Variants in ITPR1 observed in about 807,000 individuals in gnomAD.
The protein encoded by ITPR1 is inositol 1,4,5-trisphosphate receptor type 1, also known as inositol 1,4,5-trisphosphate-gated calcium channel ITPR1.
ITPR1 carries 96 observed loss-of-function variants against 318.4 expected under a neutral mutation model. The ratio of observed to expected loss-of-function variants is 0.30; its 90% confidence interval spans 0.26 to 0.36. ITPR1 has a LOEUF of 0.36. Ranked by LOEUF, ITPR1 falls within the 10% of genes least tolerant of loss-of-function variation. The probability of loss-of-function intolerance (pLI) is 1.00; values close to 1 mark genes in which losing one functional copy is unlikely to be tolerated. For synonymous variants in ITPR1, 1,312 were observed against 1,289.9 expected (o/e 1.02, Z -0.37); for missense variants, 2,440 against 3,460.2 (o/e 0.71, Z 7.40).
In ITPR1 at chr3:4,710,127, C is replaced by T. The variant is rs774669628; in HGVS notation, c.4843-198C>T. On this transcript the variant is annotated intron_variant, in intron 37 of 61. Transcript: ENST00000649015. The surrounding 1 kb of genome is among the most constrained non-coding windows in gnomAD (Gnocchi z 4.2). The stretch of plus-strand genomic sequence containing the variant: ...TGGTGGGAAAGTTGACTTGTTTTCA[C>T]TTTGTTTTCTGCATCAGAGGCTAAT... Among the ~76,000 whole-genome samples, 1 of 152,190 alleles carries T rather than the reference C, an allele frequency of 6.6e-6. No homozygotes were observed. The highest frequency in any genetic ancestry group is 1.5e-5 in the Non-Finnish European group (1 of 68,026).
intron 59 of ITPR1, among the ~76,000 whole-genome samples, chr3:4,817,104 C>T (rs1010499901): frequency 8.5e-5 from 13 of 152,150 alleles, no homozygotes; most frequent in Non-Finnish European, 1.5e-4. Context: ...GTCATGTCAT[C>T]ATCGTTTTCT....
At chr3:4,634,880 A>G (rs2093133175) in intron 5 of ITPR1, among the ~76,000 whole-genome samples, 1 of 152,204 alleles carries the variant, frequency 6.6e-6, no homozygotes. Context: ...CTGGGATTAC[A>G]GGCATGCACC....
chr3:4,664,840 A>G (rs961252226), intron 16 of ITPR1, among the ~76,000 whole-genome samples: 1 of 152,212 alleles, frequency 6.6e-6, no homozygotes, highest in African/African-American at 2.4e-5. Flanking sequence ...CTAGGGAGTA[A>G]TAAAGGCTTG....
At chr3:4,763,834 C>A (rs183794650) in intron 44 of ITPR1, among the ~76,000 whole-genome samples, 2 of 152,362 alleles carry the variant, frequency 1.3e-5, no homozygotes, top group Admixed American at 1.3e-4. Flanking sequence ...CGTCAGACAG[C>A]GCGGTCCGTG....
At chr3:4,590,251 T>C (rs532069802) in intron 4 of ITPR1, among the ~76,000 whole-genome samples, 12 of 151,536 alleles carry the variant, frequency 7.9e-5, no homozygotes, top group East Asian at 1.9e-4. Flanking sequence ...TCCTTACTTA[T>C]TTGCTCTTTA....
intron 5 of ITPR1, among the ~76,000 whole-genome samples, chr3:4,628,174 T>A (rs371630281): frequency 2.2e-4 from 34 of 152,334 alleles, no homozygotes; most frequent in African/African-American, 7.7e-4. Context: ...AATGGAATCC[T>A]GCCTCCACCA....
chr3:4,808,705 A>G (rs2048744213), intron 55 of ITPR1, among the ~76,000 whole-genome samples: 1 of 152,226 alleles, frequency 6.6e-6, no homozygotes, highest in Admixed American at 6.5e-5. Flanking sequence ...TCTACTAATA[A>G]GGAAAGCCTG....
At position 4,676,663 on chromosome 3, in the gene ITPR1, G is replaced by A. The variant is rs561552942; in HGVS notation, c.2829G>A (p.Gln943=). The change falls in exon 24 of 62, where the codon CAG becomes CAA. Residue 943 remains glutamine, a synonymous_variant. Transcript: ENST00000649015. ...ATGGCGTGGGAGAGCTGATGACCCA[G>A]GTGGTGCTCCGGGGAGGAGGCTTTT... ...SIHGVGELMT[Q]VVLRGGGFLP... 32 of 1,613,830 alleles carry A rather than the reference G, an allele frequency of 2.0e-5. No homozygotes were observed. The East Asian group carries it at 7.1e-4, about 36-fold the overall frequency.
At position 4,846,291 on chromosome 3, in the gene ITPR1, G is replaced by C; in HGVS notation, c.*66G>C. 9.4e-7 allele frequency: 1 copy of C among 1,068,772 alleles called. No homozygotes were observed. Among genetic ancestry groups the C allele is most frequent in the South Asian group, 1.4e-5 (1 of 71,242 alleles). The allele number at this position is 1,068,772 out of a possible 1,614,324, so 66.2% of individuals were successfully genotyped here. ...TTATTAGTGTGGGTATGGCTAATGA[G>C]TTCTGATTCACCCACGAAGGTTACA... On this transcript the variant is annotated 3_prime_UTR_variant, in exon 62 of 62. Coordinates refer to ENST00000649015, the MANE Select transcript of ITPR1 (RefSeq NM_001378452.1).
chr3:4,806,315 G>C, intron 55 of ITPR1, 48 bp downstream of exon 55: 1 of 1,530,918 alleles, frequency 6.5e-7, no homozygotes, highest in South Asian at 1.1e-5. Flanking sequence ...AACTAGGAGA[G>C]TGTCCTATGT....
chr3:4,609,507 T>G (rs2091947123), intron 4 of ITPR1, among the ~76,000 whole-genome samples: 1 of 152,120 alleles, frequency 6.6e-6, no homozygotes, highest in South Asian at 2.1e-4. Flanking sequence ...AAGGAATGTG[T>G]TCATTAGGGG....
In ITPR1 at chr3:4,541,099, A is replaced by G. The variant is rs116378972; in HGVS notation, c.163+20005A>G. Reference sequence around the variant, plus strand: ...AACTCCTGTCATCCTCTCTCAGTCTATGCTCCTGTTCATGATGTTAGTGCT... The same window carrying G: ...AACTCCTGTCATCCTCTCTCAGTCTGTGCTCCTGTTCATGATGTTAGTGCT... On this transcript the variant is annotated intron_variant, in intron 4 of 61. Coordinates refer to ENST00000649015, the MANE Select transcript of ITPR1 (RefSeq NM_001378452.1). Among the ~76,000 whole-genome samples the G allele has an allele frequency of 5.7e-3, 873 of 152,198 alleles. 12 individuals are homozygous for G. Among genetic ancestry groups the G allele is most frequent in the African/African-American group, 0.02 (819 of 41,538 alleles).
chr3:4,521,787 C>G (rs73003299), intron 4 of ITPR1, among the ~76,000 whole-genome samples: 4,315 of 152,244 alleles, frequency 0.028, 105 homozygotes, highest in Non-Finnish European at 0.037. Flanking sequence ...GGAGGATCAC[C>G]TGAGCCTGGG....
At chr3:4,538,315 A>G (rs1030716939) in intron 4 of ITPR1, among the ~76,000 whole-genome samples, 20 of 152,252 alleles carry the variant, frequency 1.3e-4, no homozygotes, top group Middle Eastern at 3.2e-3. Flanking sequence ...ATCACTGATC[A>G]TTAGAGAAAT....
In ITPR1 at chr3:4,782,644, T is replaced by G. The variant is rs751340313; in HGVS notation, c.6413T>G (p.Met2138Arg). ...ELVEVIKKAY[M>R]QGEVEFEDGE... ...GTGGAAGTGATCAAGAAAGCCTACA[T>G]GCAAGGTGAAGTGGAATTTGAGGAT... Residue 2138 changes from methionine (M) to arginine (R), a missense_variant, in exon 50 of 62, where the codon ATG becomes AGG. Physicochemically the swap from Met to Arg is moderately conservative, Grantham distance 91 (BLOSUM62 -1). Around this residue, in one of 23 missense-constraint regions of ITPR1, gnomAD observed 49 missense variants for 47.2 expected, o/e 1.04. Coordinates refer to ENST00000649015, the MANE Select transcript of ITPR1 (RefSeq NM_001378452.1). 6.2e-7 allele frequency: 1 copy of G among 1,607,104 alleles called. No homozygotes were observed. The highest frequency in any genetic ancestry group is 1.1e-5 in the South Asian group (1 of 89,812).
At chr3:4,636,052 G>C (rs1342860108) in intron 5 of ITPR1, among the ~76,000 whole-genome samples, 1 of 151,718 alleles carries the variant, frequency 6.6e-6, no homozygotes, top group Non-Finnish European at 1.5e-5. Context: ...TAGAGATGGG[G>C]TTTCTCCATG....
intron 4 of ITPR1, among the ~76,000 whole-genome samples, chr3:4,614,126 C>T (rs1376918399): frequency 1.3e-5 from 2 of 152,116 alleles, no homozygotes; most frequent in Non-Finnish European, 2.9e-5. Flanking sequence ...ATTAGCCAGG[C>T]GTGGCAGTGC....
At chr3:4,601,621 G>A (rs2091292225) in intron 4 of ITPR1, among the ~76,000 whole-genome samples, 1 of 152,158 alleles carries the variant, frequency 6.6e-6, no homozygotes, top group African/African-American at 2.4e-5. Context: ...AAACATAGGT[G>A]TAAATCTTCA....
chr3:4,798,789 A>C (rs2048045522), intron 53 of ITPR1, among the ~76,000 whole-genome samples: 1 of 152,240 alleles, frequency 6.6e-6, no homozygotes, highest in Non-Finnish European at 1.5e-5. Context: ...GGTAACCTGG[A>C]TGCATCTTAA....
Sources: gnomAD v4.1 joint callset for allele counts (sites outside exome capture counted in the v4.1 genomes callset) on GRCh38, gnomAD v4.1.1 for gene constraint, gnomAD v4.1.1 regional missense constraint, Gnocchi (gnomAD v3.1) non-coding constraint, MANE v1.5 for transcripts, NCBI Gene and HGNC (gene_info 2026-07-23, HGNC 2026-07-21) for gene names.